The following NPSR1 variants were observed in gnomAD, a reference collection of about 807,000 sequenced individuals.
NPSR1 encodes neuropeptide S receptor.
Under a neutral mutation model 46.9 loss-of-function variants are expected in NPSR1, and 48 were observed. The observed-to-expected ratio is 1.02, with a 90% CI of 0.81 to 1.30. The LOEUF is 1.30. NPSR1 is among the 50% of genes most tolerant of loss of function. The probability of loss-of-function intolerance (pLI) is 0.00; values close to 1 mark genes in which losing one functional copy is unlikely to be tolerated. For missense variants in NPSR1, 450 were observed against 449.5 expected, an observed-to-expected ratio of 1.00 and a Z score of -0.01; for synonymous variants, 176 against 168.1, an observed-to-expected ratio of 1.05 and a Z score of -0.36.
At chr7:34,820,642 A>G (rs552385974) in intron 4 of NPSR1, among the ~76,000 whole-genome samples, 1 of 152,286 alleles carries the variant, frequency 6.6e-6, no homozygotes, top group African/African-American at 2.4e-5. Flanking sequence ...TTGGTTTTAT[A>G]CATTTTAGGG....
chr7:34,834,241 A>C, intron 5 of NPSR1, 143 bp from the exon 6 acceptor site: 1 of 654,744 alleles, frequency 1.5e-6, no homozygotes, highest in Admixed American at 2.5e-5. Context: ...CAATTCTATG[A>C]ACAGCAAGTA....
intron 8 of NPSR1, among the ~76,000 whole-genome samples, chr7:34,877,074 G>A (rs1392298017): frequency 6.6e-6 from 1 of 152,174 alleles, no homozygotes; most frequent in African/African-American, 2.4e-5. Context: ...TGGGAAGTTA[G>A]AAGGTCTACA....
At position 34,849,613 on chromosome 7, in the gene NPSR1, G is replaced by C. The variant is rs1279215770; in HGVS notation, c.1074G>C (p.Glu358Asp). 6.2e-7 allele frequency: 1 copy of C among 1,614,130 alleles called. No homozygotes were observed. ...GAATGACGTTCCGGGAGAGAACTGA[G>C]AGGCATGAGATGCAGATTCTGTCCA... ...DSRMTFRERT[E>D]RHEMQILSKP... Residue 358 changes from glutamate (E) to aspartate (D), a missense_variant, in exon 9 of 9, where the codon GAG (glutamate) becomes GAC (aspartate). Transcript: ENST00000360581.
At chr7:34,856,572 G>A (rs866858051) in intron 8 of NPSR1, among the ~76,000 whole-genome samples, 19 of 151,638 alleles carry the variant, frequency 1.3e-4, no homozygotes, top group Admixed American at 2.6e-4. Flanking sequence ...ATGGGGAAGC[G>A]TGGATGATTT....
intron 1 of NPSR1, among the ~76,000 whole-genome samples, chr7:34,665,884 A>G (rs984461857): frequency 6.6e-5 from 10 of 152,176 alleles, no homozygotes; most frequent in African/African-American, 2.4e-4. Context: ...GCCCACACAC[A>G]CACAGACTAG....
intron 4 of NPSR1, among the ~76,000 whole-genome samples, chr7:34,822,309 G>C (rs993364764): frequency 1.3e-5 from 2 of 152,172 alleles, no homozygotes; most frequent in Admixed American, 6.5e-5. Flanking sequence ...GAGATTCCCC[G>C]AGAGTGGCAG....
At chr7:34,838,798 C>T (rs1790468719) in intron 6 of NPSR1, among the ~76,000 whole-genome samples, 1 of 152,150 alleles carries the variant, frequency 6.6e-6, no homozygotes, top group Non-Finnish European at 1.5e-5. Context: ...ATGGGGTTTC[C>T]AATCCTGTAT....
intron 2 of NPSR1, among the ~76,000 whole-genome samples, chr7:34,740,703 G>A (rs1330256733): frequency 6.6e-6 from 1 of 152,132 alleles, no homozygotes; most frequent in Non-Finnish European, 1.5e-5. Flanking sequence ...TTTGGGGGTG[G>A]ACAATCTCCC....
At position 34,658,552 on chromosome 7, in the gene NPSR1, C is replaced by A. The variant is rs116240309; in HGVS notation, c.140C>A (p.Ser47Tyr). Reference protein sequence around the residue: ...EGKEWGSFYYSFKTEQLITLW... With the variant: ...EGKEWGSFYYYFKTEQLITLW... ...AAGGAATGGGGTTCCTTCTACTACT[C>A]CTTTAAGGTAAGTTTCTTGCCTGCG... is the stretch of plus-strand genomic sequence containing the variant. Residue 47 changes from serine (S) to tyrosine (Y), a missense_variant, in exon 1 of 9, where the codon TCC becomes TAC. Physicochemically the swap from Ser to Tyr is moderately radical, Grantham distance 144. Coordinates refer to ENST00000360581, the MANE Select transcript of NPSR1 (RefSeq NM_207172.2). 7.1e-4 allele frequency: 1,147 copies of A among 1,613,924 alleles called. 6 individuals carry two copies. In the African/African-American group the frequency reaches 0.014, roughly 20 times the overall value.
At chr7:34,848,766 G>T in intron 8 of NPSR1, 103 bp downstream of exon 8, 2 of 1,029,616 alleles carry the variant, frequency 1.9e-6, no homozygotes, top group South Asian at 1.5e-5. Flanking sequence ...CAGGTTACAG[G>T]ATCCCCCTTT....
At chr7:34,811,245 C>G (rs752983074) in intron 3 of NPSR1, among the ~76,000 whole-genome samples, 2 of 151,998 alleles carry the variant, frequency 1.3e-5, no homozygotes, top group Non-Finnish European at 2.9e-5. Context: ...AGGTGGTTCT[C>G]AGTGGGATGG....
intron 2 of NPSR1, among the ~76,000 whole-genome samples, chr7:34,739,516 G>C (rs1231048452): frequency 6.6e-6 from 1 of 152,106 alleles, no homozygotes; most frequent in Non-Finnish European, 1.5e-5. Flanking sequence ...TCATGTGCTT[G>C]TTAACCATTT....
At chr7:34,750,128 A>ATT (rs34129840) in intron 2 of NPSR1, 87,977 of 239,920 alleles carry the variant, frequency 0.37, 15,387 homozygotes, top group East Asian at 0.41. Flanking sequence ...TCGTGTATGT[A>ATT]TTTTTTTTTT....
At chr7:34,796,238 C>T (rs1446842655) in intron 3 of NPSR1, among the ~76,000 whole-genome samples, 2 of 151,842 alleles carry the variant, frequency 1.3e-5, no homozygotes, top group African/African-American at 2.4e-5. Context: ...ATGACAAAAA[C>T]GAACATAAAA....
chr7:34,750,838 C>T (rs1232501871), intron 2 of NPSR1: 20 of 693,720 alleles, frequency 2.9e-5, no homozygotes, highest in Non-Finnish European at 5.5e-5. Context: ...GCTTTTCCAC[C>T]AGGCTTTGTC....
chr7:34,795,547 G>A (rs1188902096), intron 3 of NPSR1, among the ~76,000 whole-genome samples: 4 of 151,990 alleles, frequency 2.6e-5, no homozygotes, highest in African/African-American at 9.7e-5. Flanking sequence ...AGAACTAATA[G>A]GCAATTAAAG....
intron 2 of NPSR1, among the ~76,000 whole-genome samples, chr7:34,686,964 A>AAAC (rs1460797198): frequency 6.7e-6 from 1 of 150,094 alleles, no homozygotes; most frequent in Admixed American, 6.6e-5. Flanking sequence ...CCGTCTCAAA[A>AAAC]AAAAAAAAAA....
intron 2 of NPSR1, among the ~76,000 whole-genome samples, chr7:34,773,900 GAC>G (rs1786811353): frequency 6.6e-6 from 1 of 152,138 alleles, no homozygotes; most frequent in African/African-American, 2.4e-5. Flanking sequence ...TTAAACGCAT[GAC>G]ACAAAAATCT....
At chr7:34,816,097 C>A (rs916249494) in intron 4 of NPSR1, among the ~76,000 whole-genome samples, 3 of 151,552 alleles carry the variant, frequency 2.0e-5, no homozygotes, top group Non-Finnish European at 2.9e-5. Context: ...GGGCTAAATG[C>A]TCCAATTAAA....
Sources: gnomAD v4.1 joint callset for allele counts (sites outside exome capture counted in the v4.1 genomes callset) on GRCh38, gnomAD v4.1.1 for gene constraint, MANE v1.5 for transcripts, NCBI Gene and HGNC (gene_info 2026-07-23, HGNC 2026-07-21) for gene names.